Variants in BBS2 observed in about 807,000 individuals in gnomAD.
The protein encoded by BBS2 is BBSome complex member BBS2.
A neutral mutation model predicts 83.0 loss-of-function variants in BBS2; 62 were observed. The observed-to-expected ratio is 0.75, with a 90% CI of 0.61 to 0.92. The LOEUF is 0.92. BBS2 is among the 40% of genes least tolerant of loss of function. The pLI is 0.00. For missense variants in BBS2, 784 were observed against 901.0 expected, an observed-to-expected ratio of 0.87 and a Z score of 1.66; for synonymous variants, 303 against 326.1, an observed-to-expected ratio of 0.93 and a Z score of 0.76.
chr16:56,472,177 C>T (rs1298700171), intron 17 of BBS2, among the ~76,000 whole-genome samples: 2 of 151,808 alleles, frequency 1.3e-5, no homozygotes, highest in African/African-American at 4.8e-5. Context: ...GCCATGTTGC[C>T]CAGGCTGGTC....
intron 5 of BBS2, among the ~76,000 whole-genome samples, chr16:56,507,639 C>T (rs758378673): frequency 3.6e-4 from 55 of 152,176 alleles, no homozygotes; most frequent in Admixed American, 3.9e-4. Context: ...TCCGGGCCCT[C>T]TCTTCAGAAA....
intron 15 of BBS2, among the ~76,000 whole-genome samples, chr16:56,495,642 T>A (rs1964093982): frequency 6.6e-6 from 1 of 152,206 alleles, no homozygotes; most frequent in South Asian, 2.1e-4. Context: ...AAAACACACA[T>A]GTCCACATTT....
At chr16:56,498,016 T>C in intron 13 of BBS2, 136 bp from the exon 14 acceptor site, 1 of 938,550 alleles carries the variant, frequency 1.1e-6, no homozygotes, top group Non-Finnish European at 1.6e-6. Context: ...AAAAGGAAAG[T>C]TTAGCTCTCA....
In BBS2 at chr16:56,514,443, T is replaced by TTA; in HGVS notation, c.345+8_345+9dup. On this transcript the variant is annotated intron_variant, in intron 2 of 16. Coordinates refer to ENST00000245157, the MANE Select transcript of BBS2 (RefSeq NM_031885.5). ...AATGACAATTTTATGGTTATAAAGGTTATACTTGCCTCTCTGTAGAACAAA... is the reference window on the plus strand; with the variant it reads ...AATGACAATTTTATGGTTATAAAGGTTATATACTTGCCTCTCTGTAGAACAAA... The TTA allele has an allele frequency of 6.2e-7, 1 of 1,610,028 alleles. No individual in the cohort carries two copies. The highest frequency in any genetic ancestry group is 1.1e-5 in the South Asian group (1 of 90,950).
chr16:56,475,492 T>G, intron 17 of BBS2: 1 of 1,613,358 alleles, frequency 6.2e-7, no homozygotes, highest in Non-Finnish European at 8.5e-7. Context: ...ATGCTGTTTG[T>G]TTTTCTCTTG....
chr16:56,491,051 G>A (rs1460217750), intron 15 of BBS2, among the ~76,000 whole-genome samples: 1 of 152,114 alleles, frequency 6.6e-6, no homozygotes, highest in East Asian at 1.9e-4. Context: ...GTGAGCCACC[G>A]CGCCTGGCCC....
downstream of BBS2, among the ~76,000 whole-genome samples, chr16:56,483,480 A>G (rs1963694833): frequency 6.6e-6 from 1 of 152,180 alleles, no homozygotes; most frequent in Non-Finnish European, 1.5e-5. Flanking sequence ...CTAGGGGATG[A>G]CAGAGCCACA....
intron 4 of BBS2, 120 bp downstream of exon 4, chr16:56,510,739 A>T: frequency 2.0e-6 from 2 of 980,958 alleles, no homozygotes; most frequent in Non-Finnish European, 3.3e-6. Flanking sequence ...CTGAGCATTT[A>T]GGCAACAGAG....
chr16:56,512,204 A>G lies in BBS2; in HGVS notation c.346-920T>C, dbSNP rs867490265. Among the ~76,000 whole-genome samples, 3 of 152,338 alleles carry G rather than the reference A, an allele frequency of 2.0e-5. No homozygotes were observed. In the South Asian group the frequency reaches 6.2e-4, roughly 32 times the overall value. ...AAGACTGGCAACAACAAATGTTGAC[A>G]AAGGATGTGGAGCAACTGGAACTCT... On this transcript the variant is annotated intron_variant, in intron 2 of 16. Coordinates refer to ENST00000245157, the MANE Select transcript of BBS2 (RefSeq NM_031885.5).
At chr16:56,496,336 A>G (rs1394375499) in intron 15 of BBS2, among the ~76,000 whole-genome samples, 1 of 152,238 alleles carries the variant, frequency 6.6e-6, no homozygotes, top group Non-Finnish European at 1.5e-5. Context: ...AAGTTAAACA[A>G]GACTTCAGAC....
chr16:56,509,004 A>C (rs140883329), intron 5 of BBS2, among the ~76,000 whole-genome samples: 1 of 152,214 alleles, frequency 6.6e-6, no homozygotes, highest in Non-Finnish European at 1.5e-5. Flanking sequence ...GTTCAGTTAC[A>C]TGAGTGATTC....
intron 13 of BBS2, 129 bp from the exon 14 acceptor site, chr16:56,498,009 A>C (rs1431704287): frequency 2.0e-6 from 2 of 994,154 alleles, no homozygotes; most frequent in African/African-American, 3.3e-5. Flanking sequence ...GTGTTGAAAA[A>C]GGAAAGTTTA....
chr16:56,489,908 G>A (rs1160393453), intron 15 of BBS2, among the ~76,000 whole-genome samples: 1 of 152,036 alleles, frequency 6.6e-6, no homozygotes, highest in Non-Finnish European at 1.5e-5. Context: ...CAGATCGCTT[G>A]AGCCCAGGAG....
Position 56,499,770 on chromosome 16 carries a change from A to G in BBS2, c.1527+8T>C. On this transcript the variant is annotated splice_region_variant and intron_variant, in intron 12 of 16. Transcript: ENST00000245157. ...AAAAGCATTGAAAGAGAAAAGCGAG[A>G]TACTCACCCTCTGTGCCCGTTCTGC... 6.2e-7 allele frequency: 1 copy of G among 1,614,074 alleles called. No homozygotes were observed. Among genetic ancestry groups the G allele is most frequent in the African/African-American group, 1.3e-5 (1 of 75,040 alleles).
At position 56,500,197 on chromosome 16, in the gene BBS2, C is replaced by T. The variant is rs542042555; in HGVS notation, c.1398-290G>A. ...TTCCACAAATAGAGCAGTTTTTCTT[C>T]ACTAGCTGAGGTTATGTATGACTGT... is the stretch of plus-strand genomic sequence containing the variant. On this transcript the variant is annotated intron_variant, in intron 11 of 16. Transcript: ENST00000245157. 100 of 382,752 alleles carry T rather than the reference C, an allele frequency of 2.6e-4. 2 individuals carry two copies. Among genetic ancestry groups the T allele is most frequent in the South Asian group, 2.0e-3 (88 of 43,764 alleles). The allele number at this position is 382,752 out of a possible 1,614,324, so 23.7% of individuals were successfully genotyped here. A position where few individuals can be genotyped will look rare whatever the true frequency, so the allele number is the denominator to read the frequency against.
chr16:56,502,312 C>G lies in BBS2; in HGVS notation c.1080+5G>C, dbSNP rs1207084348. The G allele has an allele frequency of 1.2e-6, 2 of 1,614,096 alleles. No individual in the cohort carries two copies. The highest frequency in any genetic ancestry group is 2.7e-5 in the African/African-American group (2 of 74,932). On this transcript the variant is annotated splice_donor_5th_base_variant and intron_variant, in intron 9 of 16. Coordinates refer to ENST00000245157, the MANE Select transcript of BBS2 (RefSeq NM_031885.5). ...TTACCTGGTCACATTAGGACCTACA[C>G]CTACCTTGGCATTTTCCTCATAGTT... is the stretch of plus-strand genomic sequence containing the variant.
intron 2 of BBS2, among the ~76,000 whole-genome samples, chr16:56,513,737 G>A (rs1227097889): frequency 6.6e-6 from 1 of 152,110 alleles, no homozygotes; most frequent in Admixed American, 6.6e-5. Context: ...GGTTTTTTAG[G>A]GGGTAATAAA....
At chr16:56,474,883 C>T (rs1463321502) in intron 17 of BBS2, 10 of 1,612,722 alleles carry the variant, frequency 6.2e-6, no homozygotes, top group Non-Finnish European at 7.6e-6. Flanking sequence ...CCGGTCACTA[C>T]ACTTTAATTC....
At chr16:56,500,713 G>C in intron 11 of BBS2, 141 bp downstream of exon 11, 1 of 771,984 alleles carries the variant, frequency 1.3e-6, no homozygotes, top group Non-Finnish European at 2.1e-6. Context: ...GGAAATAAAA[G>C]GTCATGAGAA....
Sources: allele counts gnomAD v4.1 joint callset (sites outside exome capture counted in the v4.1 genomes callset), GRCh38; gene constraint gnomAD v4.1.1; transcripts MANE v1.5; gene names NCBI Gene and HGNC (gene_info 2026-07-23, HGNC 2026-07-21).